Variants in C1QTNF12 observed in about 807,000 individuals in gnomAD.
The protein encoded by C1QTNF12 is adipolin.
In C1QTNF12, 39 loss-of-function variants were observed where a neutral mutation model predicts 34.3. The observed-to-expected ratio is 1.14, with a 90% CI of 0.88 to 1.49. The LOEUF (loss-of-function observed/expected upper bound fraction) is 1.49. Ranked by LOEUF, C1QTNF12 falls within the 40% of genes most tolerant of loss-of-function variation. The probability of loss-of-function intolerance (pLI) is 0.00; values close to 1 mark genes in which losing one functional copy is unlikely to be tolerated. For missense variants in C1QTNF12, 497 were observed against 424.7 expected, an observed-to-expected ratio of 1.17 and a Z score of -1.50; for synonymous variants, 220 against 196.9, an observed-to-expected ratio of 1.12 and a Z score of -0.98.
At position 1,246,625 on chromosome 1, in the gene C1QTNF12, G is replaced by GC; in HGVS notation, c.65dup (p.Val23ArgfsTer45). 8.1e-7 allele frequency: 1 copy of GC among 1,241,046 alleles called. No homozygotes were observed. Among genetic ancestry groups the GC allele is most frequent in the Non-Finnish European group, 1.0e-6 (1 of 992,612 alleles). The allele number at this position is 1,241,046 out of a possible 1,614,324, so 76.9% of individuals were successfully genotyped here. On this transcript the variant is annotated frameshift_variant, in exon 1 of 8. Coordinates refer to ENST00000330388, the MANE Select transcript of C1QTNF12 (RefSeq NM_001014980.3). LOFTEE classifies it high-confidence loss of function. The surrounding 1 kb of genome is among the most constrained non-coding windows in gnomAD (Gnocchi z 4.5). Reference sequence around the variant, plus strand: ...TCTGTGCCTCCCGCCGGGCCCCGACGCCCCCGAGGAGCACGAGCTGCGGCC... The same window carrying GC: ...TCTGTGCCTCCCGCCGGGCCCCGACGCCCCCCGAGGAGCACGAGCTGCGGCC...
At chr1:1,245,866 C>G (rs1238538035) in intron 1 of C1QTNF12, among the ~76,000 whole-genome samples, 1 of 152,220 alleles carries the variant, frequency 6.6e-6, no homozygotes, top group East Asian at 1.9e-4. Flanking sequence ...CGGCTCCCCT[C>G]CCAGTCCTGG....
intron 6 of C1QTNF12, 21 bp from the exon 7 acceptor site, chr1:1,242,934 C>T (rs760886471): frequency 1.9e-6 from 3 of 1,610,114 alleles, no homozygotes; most frequent in South Asian, 2.2e-5. Context: ...CCCCACAGGG[C>T]AAGAGGGAGG....
In C1QTNF12 at chr1:1,243,943, G is replaced by A. The variant is rs1274425521; in HGVS notation, c.531+11C>T. 6.2e-7 allele frequency: 1 copy of A among 1,604,620 alleles called. No homozygotes were observed. Among genetic ancestry groups the A allele is most frequent in the Non-Finnish European group, 8.5e-7 (1 of 1,176,454 alleles). On this transcript the variant is annotated intron_variant, in intron 4 of 7. Transcript: ENST00000330388. Reference sequence around the variant, plus strand: ...CCCAACACCCCGCTCTAAGCTCCCGGCTCCACTCACAGCCTGGAAACCATG... The same window carrying A: ...CCCAACACCCCGCTCTAAGCTCCCGACTCCACTCACAGCCTGGAAACCATG...
In C1QTNF12 at chr1:1,242,579, G is replaced by A; in HGVS notation, c.878C>T (p.Ser293Phe). Residue 293 changes from serine (S) to phenylalanine (F), a missense_variant, in exon 8 of 8, where the codon TCC becomes TTC. Ser to Phe is a radical substitution (Grantham distance 155). Transcript: ENST00000330388. ...GCCCAGGAGCAGCCCGGAGAAGCTG[G>A]AGCCCGCCTGGATGGTGAGGACGGC... The part of the protein sequence containing the change: ...SGAVLTIQAG[S>F]SFSGLLLGT The A allele has an allele frequency of 6.3e-7, 1 of 1,585,602 alleles. No individual in the cohort carries two copies. The highest frequency in any genetic ancestry group is 8.6e-7 in the Non-Finnish European group (1 of 1,166,170).
intron 7 of C1QTNF12, 34 bp downstream of exon 7, chr1:1,242,801 C>T (rs1011302055): frequency 1.2e-5 from 20 of 1,608,866 alleles, no homozygotes; most frequent in South Asian, 3.3e-5. Flanking sequence ...CGAGTGCACC[C>T]GAGCCCTCCC....
chr1:1,244,521 C>T (rs375764041), intron 1 of C1QTNF12, 24 bp from the exon 2 acceptor site: 358 of 1,538,642 alleles, frequency 2.3e-4, no homozygotes, highest in Non-Finnish European at 3.1e-4. Context: ...ACGGGGCTAG[C>T]GCACTGAGGC....
rs771934661 is a variant in C1QTNF12, at chr1:1,244,367, CG to C, written c.294+13del. On this transcript the variant is annotated intron_variant, in intron 2 of 7. Coordinates refer to ENST00000330388, the MANE Select transcript of C1QTNF12 (RefSeq NM_001014980.3). ...CCGGGGCTCAGACCCTGCAGCAGCC[CG>C]GGCGGGGCTCACCGGCTTCTTGTCC... 6.2e-7 allele frequency: 1 copy of C among 1,608,938 alleles called. No individual in the cohort carries two copies. The highest frequency in any genetic ancestry group is 8.5e-7 in the Non-Finnish European group (1 of 1,177,112).
intron 1 of C1QTNF12, among the ~76,000 whole-genome samples, chr1:1,245,905 C>T (rs978969686): frequency 6.6e-6 from 1 of 152,204 alleles, no homozygotes; most frequent in East Asian, 1.9e-4. Flanking sequence ...CAAGACCTGC[C>T]CTCCAAGACC....
intron 5 of C1QTNF12, 105 bp downstream of exon 5, chr1:1,243,339 T>G (rs899118110): frequency 1.4e-4 from 159 of 1,157,006 alleles, no homozygotes; most frequent in Middle Eastern, 2.0e-4. Flanking sequence ...GGGCAGGGGA[T>G]AGGTCCCTAA....
Position 1,244,458 on chromosome 1 carries a change from T to A in C1QTNF12, c.217A>T (p.Met73Leu). 2 of 1,611,858 alleles carry A rather than the reference T, an allele frequency of 1.2e-6. No individual in the cohort carries two copies. Among genetic ancestry groups the A allele is most frequent in the Non-Finnish European group, 8.5e-7 (1 of 1,179,478 alleles). ...ASGPEFSDAH[M>L]TWLNFVRRPD... Reference sequence around the variant, plus strand: ...CGCCGGACAAAGTTCAGCCATGTCATGTGGGCGTCGGAGAACTCAGGTCCT... The same window carrying A: ...CGCCGGACAAAGTTCAGCCATGTCAAGTGGGCGTCGGAGAACTCAGGTCCT... The change falls in exon 2 of 8, where the codon ATG becomes TTG. Residue 73 changes from methionine to leucine, a missense_variant. By Grantham distance (15) the Met-to-Leu change is conservative. Coordinates refer to ENST00000330388, the MANE Select transcript of C1QTNF12 (RefSeq NM_001014980.3).
intron 1 of C1QTNF12, among the ~76,000 whole-genome samples, chr1:1,245,953 G>A (rs534010818): frequency 7.9e-5 from 12 of 152,350 alleles, no homozygotes; most frequent in African/African-American, 2.9e-4. Flanking sequence ...GAAGCCCAGG[G>A]TTGAGGTGGG....
At position 1,242,826 on chromosome 1, in the gene C1QTNF12, C is replaced by G. The variant is rs752550553; in HGVS notation, c.810+9G>C. 1.2e-6 allele frequency: 2 copies of G among 1,612,048 alleles called. No individual in the cohort carries two copies. Among genetic ancestry groups the G allele is most frequent in the South Asian group, 1.1e-5 (1 of 91,052 alleles). ...CGAGCCCTCCCGCTCACACCCGGCC[C>G]GGACTCACCTGCAGCTGCAGCAGCC... On this transcript the variant is annotated intron_variant, in intron 7 of 7. Coordinates refer to ENST00000330388, the MANE Select transcript of C1QTNF12 (RefSeq NM_001014980.3).
Position 1,244,069 on chromosome 1 carries a change from G to T in C1QTNF12, c.416C>A (p.Pro139Gln). 2.5e-6 allele frequency: 4 copies of T among 1,594,340 alleles called. No homozygotes were observed. The highest frequency in any genetic ancestry group is 3.4e-6 in the Non-Finnish European group (4 of 1,171,148). ...CAGGCCCGCCCCCTGGGGCAGCAGC[G>T]GGTCCAGAAGCCCTGAGAACCGGCG... The part of the protein sequence containing the change: ...TERRFSGLLD[P>Q]LLPQGAGLRL... The change falls in exon 4 of 8, where the codon CCG (proline) becomes CAG (glutamine). Residue 139 changes from proline (P) to glutamine (Q), a missense_variant. Physicochemically the swap from Pro to Gln is moderately conservative, Grantham distance 76. Transcript: ENST00000330388.
At chr1:1,245,653 G>T (rs1380226371) in intron 1 of C1QTNF12, among the ~76,000 whole-genome samples, 1 of 152,082 alleles carries the variant, frequency 6.6e-6, no homozygotes, top group East Asian at 2.0e-4. Context: ...CTAGCGCCGG[G>T]AACCAGCCCA....
At chr1:1,245,545 C>T (rs1638872682) in intron 1 of C1QTNF12, among the ~76,000 whole-genome samples, 1 of 151,624 alleles carries the variant, frequency 6.6e-6, no homozygotes, top group Admixed American at 6.6e-5. Context: ...GAGGAGTGGC[C>T]CTGGGCAGTG....
chr1:1,244,538 C>G (rs1183057026), intron 1 of C1QTNF12, 41 bp from the exon 2 acceptor site: 1 of 1,439,382 alleles, frequency 6.9e-7, no homozygotes. Context: ...AGGCTGCACC[C>G]TGCAGAGAGC....
chr1:1,246,515 T>C lies in C1QTNF12; in HGVS notation c.176A>G (p.Lys59Arg), dbSNP rs1638895125. 1.6e-6 allele frequency: 2 copies of C among 1,232,626 alleles called. No homozygotes were observed. Among genetic ancestry groups the C allele is most frequent in the Non-Finnish European group, 2.0e-6 (2 of 988,056 alleles). The allele number at this position is 1,232,626 out of a possible 1,614,324, so 76.4% of individuals were successfully genotyped here. The change falls in exon 1 of 8, where the codon AAG (lysine) becomes AGG (arginine). Residue 59 changes from lysine (K) to arginine (R), a missense_variant and splice_region_variant. Lys to Arg is a conservative substitution (Grantham distance 26). Transcript: ENST00000330388. This position sits in a 1 kb window ranked among gnomAD's most constrained non-coding sequence, Gnocchi z 4.5. The stretch of plus-strand genomic sequence containing the variant: ...CCCACGTGCGTCCCGGCCGCGTACC[T>C]TGGGGGCCTCGGGCAGCCCCTCGCG... ...SSREGLPEAPKPSQASGPEFS... is the reference protein window; with the variant it reads ...SSREGLPEAPRPSQASGPEFS...
rs1367647589 is a variant in C1QTNF12 at position 1,243,069 on chromosome 1, G to A, written c.724C>T (p.Arg242Cys). ...GGGGCTGAGGTCACTCACGTGTGGC[G>A]CTGGCACAGGGACTCAATACAGATG... ...VLICIESLCQ[R>C]HTCLEAVSGL... The change falls in exon 6 of 8, where the codon CGC becomes TGC. Residue 242 changes from arginine to cysteine, a missense_variant. By Grantham distance (180) the Arg-to-Cys change is radical. Transcript: ENST00000330388. 1.0e-5 allele frequency: 16 copies of A among 1,581,886 alleles called. No homozygotes were observed. Among genetic ancestry groups the A allele is most frequent in the South Asian group, 3.5e-5 (3 of 86,922 alleles).
rs368036886 is a variant in C1QTNF12 at position 1,244,092 on chromosome 1, G to A, written c.393C>T (p.Arg131=). Residue 131 remains arginine, a synonymous_variant, in exon 4 of 8, where the codon CGC becomes CGT. Coordinates refer to ENST00000330388, the MANE Select transcript of C1QTNF12 (RefSeq NM_001014980.3). ...GCGGGTCCAGAAGCCCTGAGAACCGGCGCTCCGTGGCCTCTGTGGGGAGGA... is the reference window on the plus strand; with the variant it reads ...GCGGGTCCAGAAGCCCTGAGAACCGACGCTCCGTGGCCTCTGTGGGGAGGA... ...FQELLKEATE[R]RFSGLLDPLL... 9.5e-6 allele frequency: 15 copies of A among 1,583,832 alleles called. No homozygotes were observed. In the African/African-American group the frequency reaches 1.6e-4, roughly 17 times the overall value.
Sources: allele counts gnomAD v4.1 joint callset (sites outside exome capture counted in the v4.1 genomes callset), GRCh38; gene constraint gnomAD v4.1.1; non-coding constraint Gnocchi (gnomAD v3.1); transcripts MANE v1.5; gene names NCBI Gene and HGNC (gene_info 2026-07-23, HGNC 2026-07-21).